IDO2: variants seen among roughly 807,000 people sequenced by gnomAD.
IDO2 encodes the protein indoleamine 2,3-dioxygenase-like 1 protein.
IDO2 carries 46 observed loss-of-function variants against 45.1 expected under a neutral mutation model. The observed-to-expected ratio is 1.02, with a 90% CI of 0.80 to 1.30. The LOEUF (loss-of-function observed/expected upper bound fraction) is 1.30, where lower values mean the gene tolerates loss of function less well. IDO2 is among the 50% of genes most tolerant of loss of function. IDO2 has a pLI of 0.00. For synonymous variants in IDO2, 218 were observed against 184.9 expected (o/e 1.18, Z -1.45); for missense variants, 544 against 491.8 (o/e 1.11, Z -1.00).
chr8:39,969,300 A>G (rs189211184), intron 3 of IDO2, among the ~76,000 whole-genome samples: 5 of 152,232 alleles, frequency 3.3e-5, no homozygotes, highest in Admixed American at 3.3e-4. Flanking sequence ...TTTCTTTACT[A>G]TTACATCTGT....
intron 1 of IDO2, among the ~76,000 whole-genome samples, chr8:39,941,450 G>T (rs1001750890): frequency 1.3e-5 from 2 of 152,066 alleles, no homozygotes; most frequent in Non-Finnish European, 2.9e-5. Flanking sequence ...GGTGCTTAGG[G>T]GTCAGATTTT....
chr8:39,978,885 A>G (rs888566808), intron 3 of IDO2, among the ~76,000 whole-genome samples, 182 bp from the exon 4 acceptor site: 8 of 152,016 alleles, frequency 5.3e-5, no homozygotes, highest in African/African-American at 9.7e-5. Context: ...CACCTCCTAT[A>G]CTACAGGGTC....
chr8:39,972,511 G>A (rs1054786785), intron 3 of IDO2, among the ~76,000 whole-genome samples: 3 of 146,862 alleles, frequency 2.0e-5, no homozygotes, highest in African/African-American at 7.6e-5. Flanking sequence ...TTGGGAGGCT[G>A]AAGCAGGAGA....
intron 3 of IDO2, among the ~76,000 whole-genome samples, chr8:39,968,793 G>A (rs1808135871): frequency 6.6e-6 from 1 of 151,862 alleles, no homozygotes; most frequent in African/African-American, 2.4e-5. Flanking sequence ...TGGGTTGACA[G>A]GCGCAGCAAA....
chr8:39,993,931 T>C (rs998498690), intron 8 of IDO2, among the ~76,000 whole-genome samples: 4 of 152,020 alleles, frequency 2.6e-5, no homozygotes, highest in African/African-American at 9.7e-5. Context: ...CACTTGAACC[T>C]GGGAGATGGA....
At chr8:39,995,292 T>TCTTCTTCTTCC (rs1802025052) in intron 8 of IDO2, 1 of 143,720 alleles carries the variant, frequency 7.0e-6, no homozygotes, top group African/African-American at 2.7e-5. Context: ...CTTCTTCTTT[T>TCTTCTTCTTCC]TTTTTTGAGA....
chr8:39,980,390 A>AT (rs544083729), intron 4 of IDO2, among the ~76,000 whole-genome samples: 15 of 149,346 alleles, frequency 1.0e-4, no homozygotes, highest in Admixed American at 2.7e-4. Flanking sequence ...ACTCATCTTT[A>AT]TTTTTTTTTT....
At chr8:39,958,383 G>T (rs112540702) in intron 2 of IDO2, among the ~76,000 whole-genome samples, 102 of 151,748 alleles carry the variant, frequency 6.7e-4, no homozygotes, top group African/African-American at 2.4e-3. Context: ...ACAGATGCCT[G>T]CTACCACACC....
At chr8:39,991,072 G>T (rs550699981) in intron 8 of IDO2, among the ~76,000 whole-genome samples, 2 of 152,034 alleles carry the variant, frequency 1.3e-5, no homozygotes, top group African/African-American at 2.4e-5. Flanking sequence ...CTGGAGGGAG[G>T]GAGAAAGACG....
At chr8:39,955,494 G>A (rs1807879427) in intron 2 of IDO2, among the ~76,000 whole-genome samples, 1 of 151,920 alleles carries the variant, frequency 6.6e-6, no homozygotes, top group Non-Finnish European at 1.5e-5. Context: ...GACCTCAGGT[G>A]ATCCACCTGC....
At position 39,934,839 on chromosome 8, in the gene IDO2, T is replaced by A. The variant is rs927040651; in HGVS notation, c.-397T>A. Reference sequence around the variant, plus strand: ...ATGCAAAGGCTGGTGCCTGGAAATATTGTGACTTTGCCACAGAAAGAAGAT... The same window carrying A: ...ATGCAAAGGCTGGTGCCTGGAAATAATGTGACTTTGCCACAGAAAGAAGAT... On this transcript the variant is annotated 5_prime_UTR_variant, in exon 1 of 11. It adds an upstream start codon to the 5' untranslated region. Coordinates refer to ENST00000502986, the Ensembl canonical transcript of IDO2. The A allele has an allele frequency of 1.7e-5, 6 of 358,362 alleles. No homozygotes were observed. Among genetic ancestry groups the A allele is most frequent in the Admixed American group, 4.9e-5 (1 of 20,444 alleles). 22.2% of individuals were successfully genotyped at this position (358,362 alleles called of 1,614,324 possible). A position where few individuals can be genotyped will look rare whatever the true frequency, so the allele number is the denominator to read the frequency against.
At chr8:39,988,287 G>C (rs1042904366) in intron 7 of IDO2, among the ~76,000 whole-genome samples, 12 of 152,144 alleles carry the variant, frequency 7.9e-5, no homozygotes, top group African/African-American at 2.9e-4. Context: ...GGATGAAGAT[G>C]GATTAACGTG....
In IDO2 at chr8:40,005,403, T is replaced by C. The variant is rs766473647; in HGVS notation, c.719+25T>C. Reference sequence around the variant, plus strand: ...GGTAAGTATAGTTCAGTTGTTTTCCTGTGTGAAGTCTCTGTAGCATTGACT... The same window carrying C: ...GGTAAGTATAGTTCAGTTGTTTTCCCGTGTGAAGTCTCTGTAGCATTGACT... On this transcript the variant is annotated intron_variant, in intron 9 of 10. Transcript: ENST00000502986. The C allele has an allele frequency of 1.9e-5, 28 of 1,477,840 alleles. No homozygotes were observed. The African/African-American group carries it at 3.0e-4, about 16-fold the overall frequency. The allele number at this position is 1,477,840 out of a possible 1,614,324, so 91.5% of individuals were successfully genotyped here.
chr8:39,964,806 T>A (rs968762652), intron 3 of IDO2, among the ~76,000 whole-genome samples: 1 of 152,186 alleles, frequency 6.6e-6, no homozygotes, highest in Non-Finnish European at 1.5e-5. Context: ...AAAGTTCCAA[T>A]GATGGAATAA....
chr8:39,946,947 G>T (rs1336355957), intron 1 of IDO2, among the ~76,000 whole-genome samples: 1 of 151,954 alleles, frequency 6.6e-6, no homozygotes, highest in Non-Finnish European at 1.5e-5. Flanking sequence ...ATCTCCTGAG[G>T]TCAGGAGTTC....
intron 1 of IDO2, among the ~76,000 whole-genome samples, chr8:39,937,861 A>G (rs1371703486): frequency 6.6e-6 from 1 of 152,176 alleles, no homozygotes; most frequent in East Asian, 1.9e-4. Context: ...GATCAAGGGA[A>G]CTTTAGTCCT....
At chr8:39,970,641 C>G (rs528041950) in intron 3 of IDO2, among the ~76,000 whole-genome samples, 1 of 152,124 alleles carries the variant, frequency 6.6e-6, no homozygotes, top group Non-Finnish European at 1.5e-5. Flanking sequence ...ATCCACCCGC[C>G]TTGGCCTCCC....
At position 40,013,548 on chromosome 8, in the gene IDO2, A is replaced by G; in HGVS notation, c.720-17A>G. The G allele has an allele frequency of 6.2e-7, 1 of 1,607,594 alleles. No homozygotes were observed. The highest frequency in any genetic ancestry group is 8.5e-7 in the Non-Finnish European group (1 of 1,176,596). ...TCCCTGCACCCCTTTCATCTCTCTC[A>G]CTTTTCTCTTGCTTAGATGGAAAGA... On this transcript the variant is annotated splice_polypyrimidine_tract_variant and intron_variant, in intron 9 of 10. Coordinates refer to ENST00000502986, the Ensembl canonical transcript of IDO2.
chr8:40,003,969 T>C (rs1451822214), intron 8 of IDO2, among the ~76,000 whole-genome samples: 1 of 150,330 alleles, frequency 6.7e-6, no homozygotes, highest in East Asian at 1.9e-4. Context: ...TTACATCTAT[T>C]GAAATCATTT....
Sources: allele counts gnomAD v4.1 joint callset (sites outside exome capture counted in the v4.1 genomes callset), GRCh38; gene constraint gnomAD v4.1.1; transcripts MANE v1.5; gene names NCBI Gene and HGNC (gene_info 2026-07-23, HGNC 2026-07-21).